Variants in ESRRG observed in about 807,000 individuals in gnomAD.
The protein encoded by ESRRG is estrogen related receptor gamma, also known as estrogen-related receptor gamma.
ESRRG carries 13 observed loss-of-function variants against 44.0 expected under a neutral mutation model. The observed-to-expected ratio is 0.30, with a 90% CI of 0.19 to 0.47. The LOEUF (loss-of-function observed/expected upper bound fraction) is 0.47. Ranked by LOEUF, ESRRG falls within the 20% of genes least tolerant of loss-of-function variation. The pLI is 1.00. For synonymous variants in ESRRG, 215 were observed against 214.6 expected, an observed-to-expected ratio of 1.00 and a Z score of -0.02; for missense variants, 395 against 580.6, an observed-to-expected ratio of 0.68 and a Z score of 3.29.
chr1:216,852,505 A>G (rs1324182928), intron 2 of ESRRG, among the ~76,000 whole-genome samples: 2 of 152,334 alleles, frequency 1.3e-5, no homozygotes, highest in Middle Eastern at 3.4e-3. Flanking sequence ...GCAATTTAGC[A>G]TATCTTGCGT....
chr1:217,079,132 G>GA (rs2091551069), intron 1 of ESRRG, among the ~76,000 whole-genome samples: 1 of 152,180 alleles, frequency 6.6e-6, no homozygotes, highest in Admixed American at 6.5e-5. Context: ...CAGAGTAAGA[G>GA]ACAGAGAAAA....
chr1:216,631,765 T>G (rs1284580319), intron 3 of ESRRG, among the ~76,000 whole-genome samples: 1 of 152,120 alleles, frequency 6.6e-6, no homozygotes, highest in Non-Finnish European at 1.5e-5. Context: ...CATACACACA[T>G]AGTAGAAATA....
intron 1 of ESRRG, among the ~76,000 whole-genome samples, chr1:216,988,701 C>T (rs1418711241): frequency 6.6e-6 from 1 of 152,120 alleles, no homozygotes; most frequent in Non-Finnish European, 1.5e-5. Context: ...GATTCTGGTA[C>T]TTGAAGGTAA....
At chr1:217,094,399 A>G (rs531851373), upstream of ESRRG, among the ~76,000 whole-genome samples, 1 of 152,354 alleles carries the variant, frequency 6.6e-6, no homozygotes, top group Non-Finnish European at 1.5e-5. Flanking sequence ...AGGTCTACAG[A>G]GACTTGGGGT....
chr1:217,126,176 T>A (rs2092887161), intron 1 of ESRRG, among the ~76,000 whole-genome samples: 1 of 152,122 alleles, frequency 6.6e-6, no homozygotes, highest in Non-Finnish European at 1.5e-5. Flanking sequence ...TTCCTCTCTG[T>A]GGGATTCAAA....
chr1:216,680,254 A>C (rs902182490), intron 1 of ESRRG, among the ~76,000 whole-genome samples: 6 of 152,190 alleles, frequency 3.9e-5, no homozygotes, highest in African/African-American at 1.4e-4. Context: ...TACCTCATTG[A>C]ATCCCCAAGA....
At chr1:216,601,927 GA>G (rs1239648725) in intron 3 of ESRRG, among the ~76,000 whole-genome samples, 1 of 152,122 alleles carries the variant, frequency 6.6e-6, no homozygotes, top group Non-Finnish European at 1.5e-5. Context: ...CCCTACAACC[GA>G]TAGGGCCTTT....
At chr1:216,826,492 A>C (rs941533150) in intron 2 of ESRRG, among the ~76,000 whole-genome samples, 4 of 152,202 alleles carry the variant, frequency 2.6e-5, no homozygotes, top group African/African-American at 9.7e-5. Flanking sequence ...GGTTACTGAC[A>C]ATAATGCTAT....
intron 2 of ESRRG, among the ~76,000 whole-genome samples, chr1:216,782,419 A>G (rs1195749403): frequency 6.6e-6 from 1 of 152,060 alleles, no homozygotes; most frequent in Non-Finnish European, 1.5e-5. Context: ...GGTTATCAAA[A>G]TGCAGGCAAA....
At chr1:216,821,056 C>T (rs1473438522) in intron 2 of ESRRG, among the ~76,000 whole-genome samples, 1 of 152,116 alleles carries the variant, frequency 6.6e-6, no homozygotes, top group Non-Finnish European at 1.5e-5. Flanking sequence ...GATTCAGCTG[C>T]ATGTGTGTTA....
At chr1:217,002,405 C>T (rs150306697) in intron 1 of ESRRG, among the ~76,000 whole-genome samples, 7 of 151,514 alleles carry the variant, frequency 4.6e-5, no homozygotes, top group East Asian at 1.9e-4. Flanking sequence ...AGGGCAGATC[C>T]GTCCCTAAAG....
intron 2 of ESRRG, among the ~76,000 whole-genome samples, chr1:216,761,218 T>C (rs958378596): frequency 1.7e-5 from 2 of 119,342 alleles, no homozygotes; most frequent in Admixed American, 7.9e-5. Flanking sequence ...ACCTTATACA[T>C]ACTTCCTTTT....
At chr1:217,081,058 A>C (rs983057258) in intron 1 of ESRRG, among the ~76,000 whole-genome samples, 1 of 152,006 alleles carries the variant, frequency 6.6e-6, no homozygotes, top group South Asian at 2.1e-4. Context: ...GTATCCAGCA[A>C]TCTTGGGTAG....
intron 5 of ESRRG, among the ~76,000 whole-genome samples, chr1:216,551,103 T>C (rs989441562): frequency 6.6e-6 from 1 of 152,100 alleles, no homozygotes; most frequent in African/African-American, 2.4e-5. Flanking sequence ...TGATCACGAA[T>C]AGGCTGCAGA....
At chr1:216,645,011 CCATA>C (rs1353713764) in intron 3 of ESRRG, among the ~76,000 whole-genome samples, 4 of 152,052 alleles carry the variant, frequency 2.6e-5, no homozygotes, top group Non-Finnish European at 5.9e-5. Context: ...AGAAATAAAA[CCATA>C]CTGACTGCAC....
At chr1:216,735,826 A>C (rs536716797) in intron 2 of ESRRG, among the ~76,000 whole-genome samples, 90 of 151,714 alleles carry the variant, frequency 5.9e-4, no homozygotes, top group African/African-American at 2.1e-3. Flanking sequence ...TAAAAATACA[A>C]AAATTAGCCA....
chr1:216,770,302 C>T (rs558885871), intron 2 of ESRRG, among the ~76,000 whole-genome samples: 1 of 152,184 alleles, frequency 6.6e-6, no homozygotes, highest in African/African-American at 2.4e-5. Flanking sequence ...TTTTTATAAA[C>T]ACACAGGAGA....
intron 1 of ESRRG, among the ~76,000 whole-genome samples, chr1:216,944,354 C>T (rs2065741001): frequency 6.6e-6 from 1 of 151,696 alleles, no homozygotes; most frequent in Non-Finnish European, 1.5e-5. Flanking sequence ...CACTTTAACG[C>T]TGGAAACATG....
intron 1 of ESRRG, chr1:216,715,084 C>T: frequency 1.0e-6 from 1 of 985,456 alleles, no homozygotes; most frequent in Non-Finnish European, 1.2e-6. Context: ...CTGAGCCCAA[C>T]TCCTGATGCT....
Sources: allele counts gnomAD v4.1 joint callset (sites outside exome capture counted in the v4.1 genomes callset), GRCh38; gene constraint gnomAD v4.1.1; transcripts MANE v1.5; gene names NCBI Gene and HGNC (gene_info 2026-07-23, HGNC 2026-07-21).